AOPEP: variants seen among roughly 807,000 people sequenced by gnomAD.
The protein encoded by AOPEP is aminopeptidase O (putative).
A neutral mutation model predicts 98.1 loss-of-function variants in AOPEP; 77 were observed. The observed-to-expected ratio is 0.78, with a 90% CI of 0.65 to 0.95. The LOEUF is 0.95. AOPEP is among the 40% of genes least tolerant of loss of function. The probability of loss-of-function intolerance (pLI) is 0.00; values close to 1 mark genes in which losing one functional copy is unlikely to be tolerated. For synonymous variants in AOPEP, 346 were observed against 365.3 expected (o/e 0.95, Z 0.60); for missense variants, 1,024 against 1,024.7 (o/e 1.00, Z 0.01).
rs866735382 is a variant in AOPEP, at chr9:95,005,350, G to A, written c.2040+130G>A. 16 of 732,076 alleles carry A rather than the reference G, an allele frequency of 2.2e-5. 1 individual carries two copies. The Middle Eastern group carries it at 3.1e-3, about 142-fold the overall frequency. 45.3% of individuals were successfully genotyped at this position (732,076 alleles called of 1,614,324 possible). ...CCCGCCAGGCTCCGGCTCGGGCGCGGGGAGCGGCCGTGACGAAGGTCGCGG... is the reference window on the plus strand; with the variant it reads ...CCCGCCAGGCTCCGGCTCGGGCGCGAGGAGCGGCCGTGACGAAGGTCGCGG... On this transcript the variant is annotated intron_variant, in intron 12 of 16. Coordinates refer to ENST00000375315, the MANE Select transcript of AOPEP (RefSeq NM_001193329.3).
At chr9:95,053,015 A>ATACCT (rs1300093572) in intron 13 of AOPEP, among the ~76,000 whole-genome samples, 2 of 152,156 alleles carry the variant, frequency 1.3e-5, no homozygotes, top group African/African-American at 2.4e-5. Context: ...AGGTCTTCCC[A>ATACCT]TACCTACCGG....
the AOPEP span, among the ~76,000 whole-genome samples, chr9:95,098,103 A>C: frequency 6.6e-6 from 1 of 152,140 alleles, no homozygotes; most frequent in South Asian, 2.1e-4. Context: ...TCCTTGTTGA[A>C]TAAGGAGAAC....
chr9:94,903,567 T>C (rs2050710568), intron 5 of AOPEP, among the ~76,000 whole-genome samples: 1 of 151,418 alleles, frequency 6.6e-6, no homozygotes, highest in Non-Finnish European at 1.5e-5. Context: ...GGTGGGAAGA[T>C]TGCTTGAGGC....
the AOPEP span, among the ~76,000 whole-genome samples, chr9:95,132,554 T>C: frequency 1.3e-5 from 2 of 152,334 alleles, no homozygotes; most frequent in Admixed American, 1.3e-4. Flanking sequence ...CTAGGGCTAA[T>C]ACCTCACTTG....
chr9:95,067,920 G>A (rs983408945), intron 14 of AOPEP, among the ~76,000 whole-genome samples: 11 of 152,068 alleles, frequency 7.2e-5, no homozygotes, highest in African/African-American at 2.7e-4. Context: ...TCACATAAAT[G>A]GAATTATATA....
chr9:95,138,162 G>A, the AOPEP span, among the ~76,000 whole-genome samples: 2 of 152,236 alleles, frequency 1.3e-5, no homozygotes, highest in Non-Finnish European at 2.9e-5. Flanking sequence ...AGAGGCAGCC[G>A]AGGTCAGAGA....
downstream of AOPEP, among the ~76,000 whole-genome samples, chr9:95,087,510 G>A (rs997668605): frequency 3.8e-3 from 217 of 56,568 alleles, no homozygotes; most frequent in African/African-American, 4.4e-3. Flanking sequence ...AAAAAAAAAA[G>A]CACGTACAAG....
chr9:94,755,809 T>C (rs756774785), intron 1 of AOPEP, among the ~76,000 whole-genome samples: 1 of 152,232 alleles, frequency 6.6e-6, no homozygotes, highest in East Asian at 1.9e-4. Flanking sequence ...ATGGGTGACC[T>C]TGAGCAAATT....
downstream of AOPEP, among the ~76,000 whole-genome samples, chr9:95,088,197 GCTGC>G (rs2070811810): frequency 1.3e-5 from 2 of 151,804 alleles, no homozygotes; most frequent in Non-Finnish European, 2.9e-5. Context: ...TCTGTGTGCT[GCTGC>G]CTTTTTTTTT....
chr9:95,133,857 T>G, the AOPEP span, among the ~76,000 whole-genome samples: 1 of 152,220 alleles, frequency 6.6e-6, no homozygotes, highest in Non-Finnish European at 1.5e-5. Flanking sequence ...TCACCAGGAA[T>G]GGGCTGTCAG....
chr9:94,935,252 C>T (rs1279159917), intron 7 of AOPEP: 1 of 152,296 alleles, frequency 6.6e-6, no homozygotes, highest in Non-Finnish European at 1.5e-5. Context: ...TTGCCTTCTG[C>T]CATAATTGTA....
chr9:95,051,612 ATAAT>A (rs1463162360), intron 13 of AOPEP, among the ~76,000 whole-genome samples: 2 of 152,126 alleles, frequency 1.3e-5, no homozygotes, highest in African/African-American at 4.8e-5. Context: ...GCAGTTTGTT[ATAAT>A]TAAAGAGGCA....
At chr9:94,983,628 C>G (rs995769428) in intron 11 of AOPEP, among the ~76,000 whole-genome samples, 15 of 151,826 alleles carry the variant, frequency 9.9e-5, no homozygotes, top group African/African-American at 3.6e-4. Flanking sequence ...TTTGAGGCTA[C>G]CAGCAGACTG....
chr9:95,052,528 C>CCAT (rs1756768021), intron 13 of AOPEP, among the ~76,000 whole-genome samples: 1 of 152,132 alleles, frequency 6.6e-6, no homozygotes, highest in African/African-American at 2.4e-5. Flanking sequence ...GCCTATTTGT[C>CCAT]CATATGAACA....
At chr9:95,006,957 A>G (rs539085490) in intron 13 of AOPEP, among the ~76,000 whole-genome samples, 21 of 146,488 alleles carry the variant, frequency 1.4e-4, no homozygotes, top group Non-Finnish European at 3.1e-4. Flanking sequence ...GCTGGAGTGC[A>G]GTGGCGTGAT....
At chr9:94,914,206 GAAGGAAAA>G (rs1292325335) in intron 5 of AOPEP, among the ~76,000 whole-genome samples, 1 of 152,114 alleles carries the variant, frequency 6.6e-6, no homozygotes, top group African/African-American at 2.4e-5. Flanking sequence ...CCTGTGATAA[GAAGGAAAA>G]AAACCACACA....
chr9:95,112,313 G>C, the AOPEP span, among the ~76,000 whole-genome samples: 1 of 152,186 alleles, frequency 6.6e-6, no homozygotes, highest in Non-Finnish European at 1.5e-5. Context: ...CATTAGATGA[G>C]AACATTCCTT....
intron 5 of AOPEP, among the ~76,000 whole-genome samples, chr9:94,895,592 T>G (rs2049438990): frequency 6.6e-6 from 1 of 152,016 alleles, no homozygotes; most frequent in Admixed American, 6.5e-5. Flanking sequence ...TGCTTTTTTC[T>G]TTTTTCTTTT....
chr9:94,875,653 A>G (rs986627289), intron 5 of AOPEP, among the ~76,000 whole-genome samples: 1 of 152,204 alleles, frequency 6.6e-6, no homozygotes, highest in Non-Finnish European at 1.5e-5. Context: ...TTTGTTATGT[A>G]CTAAGATTGT....
Sources: gnomAD v4.1 joint callset for allele counts (sites outside exome capture counted in the v4.1 genomes callset) on GRCh38, gnomAD v4.1.1 for gene constraint, MANE v1.5 for transcripts, NCBI Gene and HGNC (gene_info 2026-07-23, HGNC 2026-07-21) for gene names.